The following PICALM variants were observed in gnomAD, a reference collection of about 807,000 sequenced individuals.
PICALM encodes phosphatidylinositol-binding clathrin assembly protein.
In PICALM, 40 loss-of-function variants were observed where a neutral mutation model predicts 80.5. That is an observed-to-expected ratio of 0.50 (90% confidence interval 0.39 to 0.65). PICALM has a LOEUF of 0.65. PICALM is among the 30% of genes least tolerant of loss of function. PICALM has a pLI of 0.00. For missense variants in PICALM, 676 were observed against 778.9 expected, an observed-to-expected ratio of 0.87 and a Z score of 1.57; for synonymous variants, 288 against 260.3, an observed-to-expected ratio of 1.11 and a Z score of -1.02.
chr11:85,963,943 T>A (rs868489880), intron 19 of PICALM, among the ~76,000 whole-genome samples: 27 of 146,436 alleles, frequency 1.8e-4, no homozygotes, highest in South Asian at 1.3e-3. Flanking sequence ...TTTTTTTTTT[T>A]ATTAAAGTTA....
At chr11:85,985,123 G>A (rs771055298) in intron 13 of PICALM, among the ~76,000 whole-genome samples, 1 of 152,118 alleles carries the variant, frequency 6.6e-6, no homozygotes, top group Non-Finnish European at 1.5e-5. Flanking sequence ...AACTTTTGGT[G>A]TCCTAAATTT....
At chr11:86,048,000 C>A (rs1449794477) in intron 1 of PICALM, among the ~76,000 whole-genome samples, 1 of 152,022 alleles carries the variant, frequency 6.6e-6, no homozygotes, top group African/African-American at 2.4e-5. Flanking sequence ...ACTTGGGAGG[C>A]TGACGCAGGA....
chr11:86,068,516 C>T (rs1024841074), intron 1 of PICALM, 135 bp downstream of exon 1: 9 of 781,470 alleles, frequency 1.2e-5, no homozygotes, highest in African/African-American at 1.8e-5. Flanking sequence ...GCTCAACGGG[C>T]ACAGGACCGG....
intron 3 of PICALM, among the ~76,000 whole-genome samples, chr11:86,023,855 T>C (rs2095605754): frequency 6.6e-6 from 1 of 152,192 alleles, no homozygotes; most frequent in Admixed American, 6.5e-5. Flanking sequence ...AGGCCAGGTG[T>C]GGTGGCTCAT....
At chr11:86,015,178 A>C (rs2095460956) in intron 4 of PICALM, among the ~76,000 whole-genome samples, 1 of 152,242 alleles carries the variant, frequency 6.6e-6, no homozygotes, top group Admixed American at 6.5e-5. Flanking sequence ...GTACTCATTT[A>C]GAACTAAAAA....
At chr11:86,033,798 AT>A (rs1009893079) in intron 1 of PICALM, among the ~76,000 whole-genome samples, 12 of 152,120 alleles carry the variant, frequency 7.9e-5, no homozygotes, top group African/African-American at 2.4e-4. Context: ...GATCAGTCAT[AT>A]TTTTTAAGAC....
intron 11 of PICALM, among the ~76,000 whole-genome samples, chr11:85,997,322 T>C (rs1383307534): frequency 6.6e-6 from 1 of 152,198 alleles, no homozygotes; most frequent in Non-Finnish European, 1.5e-5. Flanking sequence ...TGAATCACAT[T>C]TGCAATACAC....
intron 13 of PICALM, among the ~76,000 whole-genome samples, chr11:85,986,204 T>C (rs1007545131): frequency 7.9e-5 from 12 of 152,050 alleles, no homozygotes; most frequent in African/African-American, 1.2e-4. Context: ...CACACAGTTA[T>C]CAGGGAGGCA....
chr11:85,996,283 G>A (rs1368135180), intron 12 of PICALM, among the ~76,000 whole-genome samples: 1 of 151,870 alleles, frequency 6.6e-6, no homozygotes, highest in South Asian at 2.1e-4. Context: ...TTGGTACAAG[G>A]GGAAAATTCT....
At chr11:85,994,445 T>C (rs960710951) in intron 12 of PICALM, among the ~76,000 whole-genome samples, 1 of 152,192 alleles carries the variant, frequency 6.6e-6, no homozygotes, top group African/African-American at 2.4e-5. Flanking sequence ...TTATCACTAA[T>C]CTATGACTAG....
chr11:86,017,973 C>G (rs1032925089), intron 4 of PICALM, among the ~76,000 whole-genome samples: 1 of 152,100 alleles, frequency 6.6e-6, no homozygotes, highest in Non-Finnish European at 1.5e-5. Context: ...ACTGGTGGTT[C>G]TGAGTAAAGT....
chr11:85,992,643 A>G (rs1450210782), intron 12 of PICALM, among the ~76,000 whole-genome samples: 1 of 152,206 alleles, frequency 6.6e-6, no homozygotes, highest in African/African-American at 2.4e-5. Context: ...TTAAAAGTAC[A>G]TTATATTTTG....
chr11:86,050,708 G>A (rs2096171649), intron 1 of PICALM, among the ~76,000 whole-genome samples: 2 of 152,080 alleles, frequency 1.3e-5, no homozygotes, highest in Admixed American at 1.3e-4. Flanking sequence ...AACATAAATG[G>A]TGATGGATTA....
At chr11:85,967,487 T>C (rs2135421898) in intron 19 of PICALM, among the ~76,000 whole-genome samples, 1 of 152,342 alleles carries the variant, frequency 6.6e-6, no homozygotes, top group East Asian at 1.9e-4. Context: ...AACATTTCTA[T>C]TTCGAATGAT....
intron 13 of PICALM, among the ~76,000 whole-genome samples, chr11:85,987,612 G>A (rs2094614630): frequency 6.6e-6 from 1 of 152,186 alleles, no homozygotes; most frequent in South Asian, 2.1e-4. Context: ...TAATTATGAT[G>A]TGGTCCACAT....
intron 17 of PICALM, among the ~76,000 whole-genome samples, chr11:85,980,390 T>C (rs927794528): frequency 6.6e-6 from 1 of 152,170 alleles, no homozygotes; most frequent in Non-Finnish European, 1.5e-5. Context: ...TCCTCTTTCA[T>C]AAAATAAATA....
chr11:86,009,388 G>A (rs1434069225), intron 7 of PICALM, among the ~76,000 whole-genome samples: 2 of 151,198 alleles, frequency 1.3e-5, no homozygotes, highest in African/African-American at 4.9e-5. Context: ...GAGTACAGAA[G>A]GGGGCTTACA....
chr11:86,002,162 G>A (rs762967256), intron 9 of PICALM, among the ~76,000 whole-genome samples: 10 of 152,002 alleles, frequency 6.6e-5, no homozygotes, highest in East Asian at 3.9e-4. Flanking sequence ...TCTTTTTTTC[G>A]TTATTCTCTC....
chr11:86,064,332 T>C (rs1837853383), intron 1 of PICALM, among the ~76,000 whole-genome samples: 1 of 152,182 alleles, frequency 6.6e-6, no homozygotes, highest in East Asian at 1.9e-4. Flanking sequence ...AAATGAAATG[T>C]CCCTGTAAAT....
Sources: allele counts gnomAD v4.1 joint callset (sites outside exome capture counted in the v4.1 genomes callset), GRCh38; gene constraint gnomAD v4.1.1; transcripts MANE v1.5; gene names NCBI Gene and HGNC (gene_info 2026-07-23, HGNC 2026-07-21).